Variants in FHIT observed in about 807,000 individuals in gnomAD.
FHIT encodes fragile histidine triad diadenosine triphosphatase, also known as bis(5'-adenosyl)-triphosphatase.
A neutral mutation model predicts 17.9 loss-of-function variants in FHIT; 19 were observed. That is an observed-to-expected ratio of 1.06 (90% CI 0.74 to 1.56). FHIT has a LOEUF of 1.56. Ranked by LOEUF, FHIT falls within the 40% of genes most tolerant of loss-of-function variation. FHIT has a pLI of 0.00. For missense variants in FHIT, 248 were observed against 189.2 expected (o/e 1.31, Z -1.82); for synonymous variants, 81 against 69.7 (o/e 1.16, Z -0.81).
intron 5 of FHIT, among the ~76,000 whole-genome samples, chr3:60,041,134 C>A (rs924019621): frequency 1.9e-4 from 29 of 152,144 alleles, no homozygotes; most frequent in African/African-American, 7.0e-4. Flanking sequence ...ATTTTTACAT[C>A]TCCCACCTCC....
intron 7 of FHIT, among the ~76,000 whole-genome samples, chr3:59,939,944 C>T (rs888168547): frequency 6.6e-6 from 1 of 152,148 alleles, no homozygotes; most frequent in Non-Finnish European, 1.5e-5. Context: ...TCACAGCAAG[C>T]ATAGCTTTCA....
At chr3:60,227,191 A>T (rs767662026) in intron 5 of FHIT, among the ~76,000 whole-genome samples, 11 of 152,202 alleles carry the variant, frequency 7.2e-5, no homozygotes, top group Non-Finnish European at 1.3e-4. Context: ...AGGAATCACT[A>T]AACTCTCCCC....
chr3:60,979,913 T>C (rs191846036), intron 3 of FHIT, among the ~76,000 whole-genome samples: 12 of 152,352 alleles, frequency 7.9e-5, no homozygotes, highest in East Asian at 1.9e-4. Context: ...CCACATGATA[T>C]TGCCATGTTG....
chr3:59,791,637 A>G lies in FHIT; in HGVS notation c.349-39316T>C, dbSNP rs536651344. On this transcript the variant is annotated intron_variant, in intron 8 of 9. Coordinates refer to ENST00000492590, the MANE Select transcript of FHIT (RefSeq NM_002012.4). ...CTATGTTGCAGTCTATTGAGCATGTACTCCATGAAATGTGGGTGATTCATT... is the reference window on the plus strand; with the variant it reads ...CTATGTTGCAGTCTATTGAGCATGTGCTCCATGAAATGTGGGTGATTCATT... 3.9e-5 allele frequency among the ~76,000 whole-genome samples: 6 copies of G among 152,186 alleles called. No individual in the cohort carries two copies. The East Asian group carries it at 1.2e-3, about 29-fold the overall frequency.
chr3:60,150,944 T>C (rs890002511), intron 5 of FHIT, among the ~76,000 whole-genome samples: 2 of 152,110 alleles, frequency 1.3e-5, no homozygotes, highest in African/African-American at 4.8e-5. Flanking sequence ...ATTTAATTTT[T>C]AAAAATCAGC....
chr3:60,696,773 T>A (rs2041121783), intron 4 of FHIT, among the ~76,000 whole-genome samples: 1 of 152,178 alleles, frequency 6.6e-6, no homozygotes, highest in Admixed American at 6.5e-5. Flanking sequence ...AAAAGGCTCT[T>A]TATCCATTTA....
intron 1 of FHIT, among the ~76,000 whole-genome samples, chr3:61,240,689 G>A (rs11714398): frequency 0.039 from 5,983 of 152,270 alleles, 136 homozygotes; most frequent in Admixed American, 0.066. Context: ...ATTAAGATGG[G>A]AATTTAAGGT....
chr3:60,438,369 G>T lies in FHIT; in HGVS notation c.103+98491C>A, dbSNP rs533584883. ...ACGACCACCCAGAACATGCTTACTA[G>T]TAACACTGCTTTCCACCTCCTTATG... On this transcript the variant is annotated intron_variant, in intron 5 of 9. Transcript: ENST00000492590. 3.4e-4 allele frequency among the ~76,000 whole-genome samples: 51 copies of T among 151,994 alleles called. 1 individual carries two copies. Among genetic ancestry groups the T allele is most frequent in the African/African-American group, 1.2e-3 (49 of 41,474 alleles).
intron 7 of FHIT, among the ~76,000 whole-genome samples, chr3:59,963,040 G>A (rs1487105600): frequency 6.6e-6 from 1 of 152,260 alleles, no homozygotes; most frequent in Middle Eastern, 3.4e-3. Context: ...CAGATCACGA[G>A]GTCAGGAGAT....
At chr3:60,450,005 A>G (rs2031621379) in intron 5 of FHIT, among the ~76,000 whole-genome samples, 1 of 149,242 alleles carries the variant, frequency 6.7e-6, no homozygotes, top group African/African-American at 2.5e-5. Flanking sequence ...CTGTCAAAAA[A>G]AAAAAAAAAA....
At chr3:61,225,758 T>C (rs2039954943) in intron 1 of FHIT, among the ~76,000 whole-genome samples, 1 of 152,256 alleles carries the variant, frequency 6.6e-6, no homozygotes, top group African/African-American at 2.4e-5. Flanking sequence ...AACGAAGTCA[T>C]GACTTGAATG....
intron 3 of FHIT, among the ~76,000 whole-genome samples, chr3:61,015,077 G>C (rs966495041): frequency 6.6e-6 from 1 of 151,858 alleles, no homozygotes; most frequent in Non-Finnish European, 1.5e-5. Context: ...AATGGGGCCT[G>C]ACTTGGTGGT....
chr3:60,587,010 A>G (rs1553662329), intron 4 of FHIT, among the ~76,000 whole-genome samples: 2 of 152,046 alleles, frequency 1.3e-5, no homozygotes, highest in Non-Finnish European at 2.9e-5. Context: ...ATTTTAAAAA[A>G]TTCAAACATC....
chr3:60,307,565 C>G, intron 5 of FHIT, among the ~76,000 whole-genome samples: 1 of 152,156 alleles, frequency 6.6e-6, no homozygotes. Flanking sequence ...AAAAATGACA[C>G]CTGCTACAAA....
intron 4 of FHIT, among the ~76,000 whole-genome samples, chr3:60,681,922 C>G (rs1003111546): frequency 5.9e-5 from 9 of 151,894 alleles, no homozygotes; most frequent in Non-Finnish European, 4.4e-5. Context: ...AGCAAGTTAT[C>G]CAGAAGATCT....
intron 6 of FHIT, among the ~76,000 whole-genome samples, chr3:60,012,266 G>GGT (rs1700169118): frequency 8.9e-6 from 1 of 112,484 alleles, no homozygotes; most frequent in African/African-American, 3.4e-5. Context: ...TTTTTTTGTT[G>GGT]TTTTTTTTTT....
At chr3:60,757,057 G>A (rs1429215336) in intron 4 of FHIT, among the ~76,000 whole-genome samples, 2 of 152,070 alleles carry the variant, frequency 1.3e-5, no homozygotes, top group African/African-American at 2.4e-5. Context: ...ATCAGCCAGA[G>A]CTGTAGAAAA....
intron 5 of FHIT, among the ~76,000 whole-genome samples, chr3:60,220,758 G>C (rs181781063): frequency 1.2e-4 from 19 of 152,222 alleles, no homozygotes; most frequent in East Asian, 7.7e-4. Flanking sequence ...CAAAAATCTT[G>C]TTTTCCAGGA....
chr3:59,964,030 C>A (rs762884491), intron 7 of FHIT, among the ~76,000 whole-genome samples: 1 of 152,126 alleles, frequency 6.6e-6, no homozygotes, highest in Admixed American at 6.5e-5. Context: ...TGTGGTCAAC[C>A]AACTAAAATT....
Sources: allele counts gnomAD v4.1 joint callset (sites outside exome capture counted in the v4.1 genomes callset), GRCh38; gene constraint gnomAD v4.1.1; transcripts MANE v1.5; gene names NCBI Gene and HGNC (gene_info 2026-07-23, HGNC 2026-07-21).